FRMPD4: variants seen among roughly 807,000 people sequenced by gnomAD.
FRMPD4 encodes FERM and PDZ domain-containing protein 4.
FRMPD4 carries 22 observed loss-of-function variants against 94.1 expected under a neutral mutation model. The observed-to-expected ratio is 0.23, with a 90% confidence interval of 0.17 to 0.33. The LOEUF is 0.33. Among genes scored for constraint, FRMPD4 ranks in the 10% least tolerant of loss-of-function variants. The pLI is 1.00. For synonymous variants in FRMPD4, 631 were observed against 548.6 expected, an observed-to-expected ratio of 1.15 and a Z score of -2.10; for missense variants, 1,111 against 1,339.9, an observed-to-expected ratio of 0.83 and a Z score of 2.67.
chrX:12,294,487 G>C (rs201182669), intron 1 of FRMPD4, among the ~76,000 whole-genome samples: 242 of 20,392 alleles, frequency 0.012, no homozygotes, highest in African/African-American at 0.036. Flanking sequence ...CACACACACA[G>C]AGAGAGAGAG....
At chrX:12,703,845 A>C (rs2041830115) in intron 10 of FRMPD4, among the ~76,000 whole-genome samples, 1 of 111,937 alleles carries the variant, frequency 8.9e-6, no homozygotes, top group East Asian at 2.8e-4. Flanking sequence ...TTAGACAGGA[A>C]CTGGCTGGGA....
In FRMPD4 at chrX:12,720,894, G is replaced by A; in HGVS notation, c.4325G>A (p.Arg1442Lys). The change falls in exon 17 of 17, where the codon AGG becomes AAG. Residue 1442 changes from arginine to lysine, a missense_variant. Arg to Lys is a conservative substitution (Grantham distance 26, BLOSUM62 2). This residue lies in a region of FRMPD4 where 551 missense variants were observed against 591.6 expected (regional missense o/e 0.93). Coordinates refer to ENST00000675598, the MANE Select transcript of FRMPD4 (RefSeq NM_001368397.1). ...GAAGCACAGGAGGCCAGTTCTGAAA[G>A]GCGAGCAGAACTCCCCCTGGGGAGG... The part of the protein sequence containing the change: ...ITEAQEASSE[R>K]RAELPLGRKL... The A allele has an allele frequency of 1.2e-6, 1 of 844,137 alleles. No homozygotes were observed. Among genetic ancestry groups the A allele is most frequent in the Non-Finnish European group, 1.4e-6 (1 of 695,319 alleles). The allele number at this position is 844,137 out of a possible 1,213,427, so 69.6% of individuals were successfully genotyped here.
chrX:12,575,874 C>G (rs897588941), intron 2 of FRMPD4, among the ~76,000 whole-genome samples: 14 of 112,131 alleles, frequency 1.2e-4, no homozygotes, highest in East Asian at 5.6e-4. Context: ...CAGACTCCCC[C>G]CTAGGGCCTT....
chrX:11,929,594 G>A (rs2054109571), intron 3 of FRMPD4, among the ~76,000 whole-genome samples: 1 of 112,521 alleles, frequency 8.9e-6, no homozygotes, highest in South Asian at 3.7e-4. Context: ...CATAAAGCTA[G>A]TCTTAACCTG....
intron 10 of FRMPD4, among the ~76,000 whole-genome samples, chrX:12,703,183 C>T (rs1457849552): frequency 8.9e-6 from 1 of 112,516 alleles, no homozygotes; most frequent in African/African-American, 3.2e-5. Flanking sequence ...AACAAATATT[C>T]ATTGAGCATT....
chrX:12,131,084 A>C (rs576455456), intron 3 of FRMPD4, among the ~76,000 whole-genome samples: 2 of 111,672 alleles, frequency 1.8e-5, no homozygotes, highest in Middle Eastern at 9.3e-3. Flanking sequence ...ACATTGGCAG[A>C]CTTTTGGTAT....
At chrX:12,263,279 C>A in intron 1 of FRMPD4, among the ~76,000 whole-genome samples, 1 of 111,304 alleles carries the variant, frequency 9.0e-6, no homozygotes, top group Non-Finnish European at 1.9e-5. Flanking sequence ...ACTCCTTAGT[C>A]CCCCTGGTAA....
intron 1 of FRMPD4, among the ~76,000 whole-genome samples, chrX:12,169,384 G>A (rs1397531914): frequency 8.9e-6 from 1 of 112,111 alleles, no homozygotes; most frequent in Non-Finnish European, 1.9e-5. Context: ...ACTTGAAGAG[G>A]CCATCAATTG....
intron 10 of FRMPD4, 111 bp downstream of exon 10, chrX:12,702,121 T>G: frequency 1.3e-6 from 1 of 748,799 alleles, no homozygotes; most frequent in Non-Finnish European, 2.0e-6. Flanking sequence ...AAAGCATTCA[T>G]TCGCCAGTGG....
intron 4 of FRMPD4, among the ~76,000 whole-genome samples, chrX:12,631,494 A>T (rs1175474973): frequency 9.0e-6 from 1 of 111,411 alleles, no homozygotes; most frequent in Admixed American, 9.5e-5. Context: ...TGCTACACCC[A>T]TCAACCCATC....
chrX:12,256,640 T>G (rs2054118568), intron 1 of FRMPD4, among the ~76,000 whole-genome samples: 1 of 112,093 alleles, frequency 8.9e-6, no homozygotes, highest in Non-Finnish European at 1.9e-5. Flanking sequence ...CATCTCTATT[T>G]GTGTGTACCT....
intron 3 of FRMPD4, among the ~76,000 whole-genome samples, chrX:12,086,530 C>A (rs555788959): frequency 4.5e-5 from 5 of 111,562 alleles, no homozygotes; most frequent in African/African-American, 1.6e-4. Context: ...ATAGGCAATT[C>A]TCTTTAAGAC....
At chrX:12,471,091 C>T (rs1463343567) in intron 1 of FRMPD4, among the ~76,000 whole-genome samples, 2 of 112,399 alleles carry the variant, frequency 1.8e-5, no homozygotes, top group Admixed American at 1.9e-4. Flanking sequence ...CTGCTGTTCT[C>T]CCAATGGACA....
At chrX:11,991,103 T>G (rs1295882323) in intron 3 of FRMPD4, among the ~76,000 whole-genome samples, 1 of 111,748 alleles carries the variant, frequency 8.9e-6, no homozygotes, top group Non-Finnish European at 1.9e-5. Context: ...AGAGTCTCAT[T>G]CCAGTTTGCA....
In FRMPD4 at chrX:12,451,857, A is replaced by G. The variant is rs146003069; in HGVS notation, c.42-46823A>G. On this transcript the variant is annotated intron_variant, in intron 1 of 16. Coordinates refer to ENST00000675598, the MANE Select transcript of FRMPD4 (RefSeq NM_001368397.1). ...TCCTTTTTTTCCAGCCTCAATAGCT[A>G]CTTTATTTTTTCTGAGTTCACTTCT... 1.0e-3 allele frequency among the ~76,000 whole-genome samples: 111 copies of G among 109,410 alleles called. No homozygotes were observed. The East Asian group carries it at 0.027, about 27-fold the overall frequency.
intron 3 of FRMPD4, among the ~76,000 whole-genome samples, chrX:12,127,525 G>C (rs921257787): frequency 1.8e-5 from 2 of 111,737 alleles, no homozygotes; most frequent in African/African-American, 6.5e-5. Flanking sequence ...CCCACCACAG[G>C]TGGGGATTAT....
intron 1 of FRMPD4, among the ~76,000 whole-genome samples, chrX:12,156,846 A>G (rs1013203260): frequency 5.4e-5 from 6 of 112,046 alleles, no homozygotes; most frequent in Non-Finnish European, 9.4e-5. Flanking sequence ...GCATTTTCTG[A>G]CTGATTGATT....
chrX:12,009,991 A>T (rs939804193), intron 3 of FRMPD4, among the ~76,000 whole-genome samples: 1 of 112,092 alleles, frequency 8.9e-6, no homozygotes, highest in Admixed American at 9.5e-5. Flanking sequence ...CTGGGCCATG[A>T]TTATTAATTT....
intron 1 of FRMPD4, among the ~76,000 whole-genome samples, chrX:12,333,637 A>G: frequency 8.9e-6 from 1 of 112,055 alleles, no homozygotes; most frequent in East Asian, 2.8e-4. Context: ...GGTCTATGAC[A>G]TGGAGCAGAA....
Sources: allele counts gnomAD v4.1 joint callset (sites outside exome capture counted in the v4.1 genomes callset), GRCh38; gene constraint gnomAD v4.1.1; regional missense constraint gnomAD v4.1.1; transcripts MANE v1.5; gene names NCBI Gene and HGNC (gene_info 2026-07-23, HGNC 2026-07-21).